The following RAD50 variants were observed in gnomAD, a reference collection of about 807,000 sequenced individuals.
RAD50 encodes the protein RAD50 double strand break repair protein.
In RAD50, 132 loss-of-function variants were observed where a neutral mutation model predicts 168.8. That is an observed-to-expected ratio of 0.78 (90% CI 0.68 to 0.90). RAD50 has a LOEUF of 0.90. RAD50 is among the 40% of genes least tolerant of loss of function. The pLI is 0.00. For synonymous variants in RAD50, 525 were observed against 497.4 expected (o/e 1.06, Z -0.74); for missense variants, 1,347 against 1,534.4 (o/e 0.88, Z 2.04).
At chr5:132,637,993 G>A in intron 22 of RAD50, 88 bp from the exon 23 acceptor site, 1 of 1,407,058 alleles carries the variant, frequency 7.1e-7, no homozygotes, top group Admixed American at 1.7e-5. Context: ...AGCCTCATCT[G>A]TTGTTCCTAG....
At chr5:132,597,514 C>T (rs975853318) in intron 13 of RAD50, among the ~76,000 whole-genome samples, 2 of 152,194 alleles carry the variant, frequency 1.3e-5, no homozygotes, top group African/African-American at 4.8e-5. Flanking sequence ...CTCCCTCTGT[C>T]TCTTGTCTGA....
chr5:132,601,598 C>T (rs1485176003), intron 13 of RAD50, among the ~76,000 whole-genome samples: 1 of 152,024 alleles, frequency 6.6e-6, no homozygotes, highest in East Asian at 1.9e-4. Flanking sequence ...AACCTGCATA[C>T]CTTCATATTT....
intron 23 of RAD50, among the ~76,000 whole-genome samples, chr5:132,639,998 C>G (rs956310226): frequency 2.0e-5 from 3 of 152,342 alleles, no homozygotes; most frequent in East Asian, 3.9e-4. Flanking sequence ...TAGCCCTACT[C>G]TCTCAATTCT....
rs182403403 is a variant in RAD50, at chr5:132,579,787, A to G, written c.552-75A>G. 79 of 1,244,268 alleles carry G rather than the reference A, an allele frequency of 6.3e-5. No homozygotes were observed. In the African/African-American group the frequency reaches 1.1e-3, roughly 17 times the overall value. 77.1% of individuals were successfully genotyped at this position (1,244,268 alleles called of 1,614,324 possible). A position where few individuals can be genotyped will look rare whatever the true frequency, so the allele number is the denominator to read the frequency against. On this transcript the variant is annotated intron_variant, in intron 4 of 24. Transcript: ENST00000378823. Reference sequence around the variant, plus strand: ...TTGTAACTGTAATCTTAGTGACAGCATAATATCCCACTGTATGAATATATA... The same window carrying G: ...TTGTAACTGTAATCTTAGTGACAGCGTAATATCCCACTGTATGAATATATA...
At chr5:132,629,071 G>A (rs1751417944) in intron 21 of RAD50, among the ~76,000 whole-genome samples, 1 of 152,112 alleles carries the variant, frequency 6.6e-6, no homozygotes, top group Admixed American at 6.6e-5. Context: ...GGTTTCATAT[G>A]TATTCACTGA....
At chr5:132,637,918 CT>C (rs1581020874) in intron 22 of RAD50, 162 bp from the exon 23 acceptor site, 4 of 769,380 alleles carry the variant, frequency 5.2e-6, no homozygotes, top group Non-Finnish European at 6.3e-6. Context: ...GACCACCAGG[CT>C]CTTGAATCCT....
chr5:132,573,861 G>T (rs1233991528), intron 2 of RAD50, among the ~76,000 whole-genome samples: 1 of 152,216 alleles, frequency 6.6e-6, no homozygotes, highest in Admixed American at 6.5e-5. Context: ...GCTCCAGAAT[G>T]ATCTCCTTTG....
intron 1 of RAD50, among the ~76,000 whole-genome samples, chr5:132,558,508 C>T (rs899684308): frequency 5.9e-5 from 9 of 151,722 alleles, no homozygotes. Context: ...GTCAGGAGTT[C>T]GAGACCAGCC....
intron 23 of RAD50, 118 bp downstream of exon 23, chr5:132,638,341 C>G (rs1200570894): frequency 2.5e-6 from 3 of 1,218,174 alleles, no homozygotes. Context: ...CTCTTTGCTG[C>G]TATATAAAAT....
At chr5:132,574,508 C>T (rs1750360880) in intron 2 of RAD50, among the ~76,000 whole-genome samples, 1 of 152,196 alleles carries the variant, frequency 6.6e-6, no homozygotes, top group African/African-American at 2.4e-5. Flanking sequence ...TCACAAAGGT[C>T]TCTGACATGC....
rs567057297 is a variant in RAD50 at position 132,577,761 on chromosome 5, G to GT, written c.366-1553dup. 6.1e-3 allele frequency among the ~76,000 whole-genome samples: 818 copies of GT among 134,416 alleles called. 12 individuals are homozygous for GT. Among genetic ancestry groups the GT allele is most frequent in the African/African-American group, 0.022 (774 of 35,264 alleles). The allele number at this position is 134,416 out of a possible 152,430, so 88.2% of individuals were successfully genotyped here. ...TGTCATATCTCCAAACCAGACCTCTGTTTCCAGACCCATTTACCCAGACCT... is the reference window on the plus strand; with the variant it reads ...TGTCATATCTCCAAACCAGACCTCTGTTTTCCAGACCCATTTACCCAGACCT... On this transcript the variant is annotated intron_variant, in intron 3 of 24. Transcript: ENST00000378823.
At position 132,589,600 on chromosome 5, in the gene RAD50, A is replaced by G. The variant is rs370151868; in HGVS notation, c.1246-31A>G. 8 of 1,483,334 alleles carry G rather than the reference A, an allele frequency of 5.4e-6. No homozygotes were observed. In the African/African-American group the frequency reaches 8.5e-5, roughly 16 times the overall value. 91.9% of individuals were successfully genotyped at this position (1,483,334 alleles called of 1,614,324 possible). ...AAAAACTTAAATTGTTTAGTAAATT[A>G]TTAATGCTCATTCTTTACATATGCA... is the stretch of plus-strand genomic sequence containing the variant. On this transcript the variant is annotated intron_variant, in intron 8 of 24. Transcript: ENST00000378823.
intron 21 of RAD50, among the ~76,000 whole-genome samples, chr5:132,619,136 CAG>C (rs1259890153): frequency 6.6e-6 from 1 of 152,176 alleles, no homozygotes; most frequent in Non-Finnish European, 1.5e-5. Flanking sequence ...CATTCTCCTA[CAG>C]ATGGACATTT....
chr5:132,570,714 C>G (rs1750287535), intron 2 of RAD50, among the ~76,000 whole-genome samples: 1 of 152,222 alleles, frequency 6.6e-6, no homozygotes, highest in African/African-American at 2.4e-5. Flanking sequence ...AAAACTTTCT[C>G]CATATCAGCA....
At chr5:132,564,915 G>A (rs1750181705) in intron 2 of RAD50, among the ~76,000 whole-genome samples, 1 of 152,202 alleles carries the variant, frequency 6.6e-6, no homozygotes, top group East Asian at 1.9e-4. Flanking sequence ...GTTGCGCAGA[G>A]AACAAGAGTT....
chr5:132,626,072 G>T (rs1751367640), intron 21 of RAD50, among the ~76,000 whole-genome samples: 1 of 151,974 alleles, frequency 6.6e-6, no homozygotes, highest in African/African-American at 2.4e-5. Context: ...GTTTTGCCAT[G>T]TAGGCCATAT....
intron 16 of RAD50, among the ~76,000 whole-genome samples, chr5:132,607,844 T>C (rs1329650123): frequency 6.6e-6 from 1 of 152,206 alleles, no homozygotes; most frequent in East Asian, 1.9e-4. Context: ...TAGACCTATA[T>C]TGAAGTAATT....
intron 13 of RAD50, among the ~76,000 whole-genome samples, chr5:132,599,293 T>A (rs1407629395): frequency 6.6e-6 from 1 of 152,130 alleles, no homozygotes; most frequent in African/African-American, 2.4e-5. Context: ...GCAGGGCTGC[T>A]AAGTGAGGAC....
At chr5:132,608,461 A>G (rs1377666595) in intron 16 of RAD50, among the ~76,000 whole-genome samples, 154 bp from the exon 17 acceptor site, 1 of 152,168 alleles carries the variant, frequency 6.6e-6, no homozygotes, top group Non-Finnish European at 1.5e-5. Context: ...ACTGAAAATG[A>G]TGGTACTGTC....
Sources: allele counts gnomAD v4.1 joint callset (sites outside exome capture counted in the v4.1 genomes callset), GRCh38; gene constraint gnomAD v4.1.1; transcripts MANE v1.5; gene names NCBI Gene and HGNC (gene_info 2026-07-23, HGNC 2026-07-21).